NCKAP5: variants seen among roughly 807,000 people sequenced by gnomAD.
The protein encoded by NCKAP5 is nck-associated protein 5.
Under a neutral mutation model 167.0 loss-of-function variants are expected in NCKAP5, and 92 were observed. The ratio of observed to expected loss-of-function variants is 0.55; its 90% CI spans 0.47 to 0.66. The LOEUF (loss-of-function observed/expected upper bound fraction) is 0.66, where lower values mean the gene tolerates loss of function less well. Among genes scored for constraint, NCKAP5 ranks in the 30% least tolerant of loss-of-function variants. NCKAP5 has a pLI of 0.00. For synonymous variants in NCKAP5, 891 were observed against 877.4 expected, an observed-to-expected ratio of 1.02 and a Z score of -0.27; for missense variants, 2,378 against 2,315.0, an observed-to-expected ratio of 1.03 and a Z score of -0.56.
chr2:133,011,684 G>GT (rs2078165918), intron 6 of NCKAP5, among the ~76,000 whole-genome samples: 1 of 152,164 alleles, frequency 6.6e-6, no homozygotes, highest in African/African-American at 2.4e-5. Flanking sequence ...TAATAAGCAT[G>GT]GCTATTTGAA....
intron 6 of NCKAP5, among the ~76,000 whole-genome samples, chr2:133,095,272 G>C (rs549321891): frequency 1.3e-5 from 2 of 152,308 alleles, no homozygotes; most frequent in South Asian, 2.1e-4. Context: ...CCTTTGAACT[G>C]TTCCATAGTA....
At chr2:133,467,777 G>T (rs1692715035) in intron 3 of NCKAP5, among the ~76,000 whole-genome samples, 1 of 142,830 alleles carries the variant, frequency 7.0e-6, no homozygotes, top group Non-Finnish European at 1.5e-5. Context: ...ATTTCTTCTA[G>T]ATTTTCTAGT....
At chr2:133,403,892 T>TGC (rs1320002519) in intron 3 of NCKAP5, among the ~76,000 whole-genome samples, 1 of 143,952 alleles carries the variant, frequency 6.9e-6, no homozygotes, top group Non-Finnish European at 1.5e-5. Context: ...GGTGGATGTG[T>TGC]GTGTGTGTGT....
At chr2:133,072,510 G>T (rs975766018) in intron 6 of NCKAP5, among the ~76,000 whole-genome samples, 1 of 152,036 alleles carries the variant, frequency 6.6e-6, no homozygotes, top group Admixed American at 6.6e-5. Context: ...CCCACTCCCC[G>T]ATCGTCTATC....
At chr2:133,500,415 G>A (rs1490984974) in intron 3 of NCKAP5, among the ~76,000 whole-genome samples, 6 of 152,110 alleles carry the variant, frequency 3.9e-5, no homozygotes, top group South Asian at 2.1e-4. Flanking sequence ...CCAATAACAC[G>A]TGTCTTTCTG....
chr2:132,970,663 G>C (rs1364358904), intron 7 of NCKAP5, among the ~76,000 whole-genome samples: 1 of 152,162 alleles, frequency 6.6e-6, no homozygotes, highest in Non-Finnish European at 1.5e-5. Flanking sequence ...GCAATCCTTA[G>C]AGCTGTAAGT....
At chr2:133,331,387 G>A (rs1468349660) in intron 3 of NCKAP5, among the ~76,000 whole-genome samples, 1 of 152,168 alleles carries the variant, frequency 6.6e-6, no homozygotes, top group East Asian at 1.9e-4. Context: ...TAATAAATCT[G>A]TCAATTAGCA....
intron 11 of NCKAP5, among the ~76,000 whole-genome samples, chr2:132,827,885 C>T (rs6724053): frequency 6.6e-6 from 1 of 152,084 alleles, no homozygotes. Flanking sequence ...TTGGGTTTTT[C>T]AAAGCCCTTA....
intron 3 of NCKAP5, among the ~76,000 whole-genome samples, chr2:133,462,450 G>A (rs1046104649): frequency 6.6e-6 from 1 of 152,110 alleles, no homozygotes; most frequent in African/African-American, 2.4e-5. Context: ...GTGTATGTTT[G>A]TTTTATATTT....
intron 3 of NCKAP5, among the ~76,000 whole-genome samples, chr2:133,334,958 G>A (rs1683115030): frequency 6.6e-6 from 1 of 152,154 alleles, no homozygotes; most frequent in South Asian, 2.1e-4. Context: ...CCAAACTCAG[G>A]TCCATTTACT....
intron 19 of NCKAP5, among the ~76,000 whole-genome samples, chr2:132,712,868 G>T (rs879624145): frequency 6.6e-6 from 1 of 152,162 alleles, no homozygotes; most frequent in Middle Eastern, 3.2e-3. Context: ...TGGGATCACA[G>T]AGGAGGGGCA....
At chr2:133,311,654 C>A (rs1559373829) in intron 3 of NCKAP5, among the ~76,000 whole-genome samples, 1 of 152,134 alleles carries the variant, frequency 6.6e-6, no homozygotes, top group Non-Finnish European at 1.5e-5. Context: ...AAAAGATGAT[C>A]CTATCACCCA....
At chr2:133,617,374 C>T in the NCKAP5 span, among the ~76,000 whole-genome samples, 1 of 150,530 alleles carries the variant, frequency 6.6e-6, no homozygotes, top group African/African-American at 2.4e-5. Context: ...TCCCTGTTTG[C>T]AGACGACATG....
chr2:133,453,562 G>A lies in NCKAP5; in HGVS notation c.69+63896C>T, dbSNP rs549768479. Among the ~76,000 whole-genome samples, 6 of 152,018 alleles carry A rather than the reference G, an allele frequency of 3.9e-5. No homozygotes were observed. In the South Asian group the frequency reaches 1.0e-3, roughly 26 times the overall value. The stretch of plus-strand genomic sequence containing the variant: ...AAAGGAAAGAGAAAGAAACACAGTT[G>A]GAATTTGACAAAATAAGGGTTATTC... On this transcript the variant is annotated intron_variant, in intron 3 of 19. Coordinates refer to ENST00000409261, the MANE Select transcript of NCKAP5 (RefSeq NM_207363.3).
chr2:133,619,090 G>A, the NCKAP5 span, among the ~76,000 whole-genome samples: 2 of 132,998 alleles, frequency 1.5e-5, no homozygotes, highest in East Asian at 2.1e-4. Flanking sequence ...TCACTCATAG[G>A]TGGGAATTGA....
chr2:133,144,550 C>T (rs530422612), intron 5 of NCKAP5, among the ~76,000 whole-genome samples: 4 of 152,102 alleles, frequency 2.6e-5, no homozygotes, highest in South Asian at 2.1e-4. Flanking sequence ...ACCTCTTCCC[C>T]GAAACTTAAT....
intron 6 of NCKAP5, among the ~76,000 whole-genome samples, chr2:133,017,732 C>A (rs994770195): frequency 6.6e-6 from 1 of 151,664 alleles, no homozygotes; most frequent in South Asian, 2.1e-4. Context: ...CCCCGCCCCC[C>A]CACTGTTTCC....
the NCKAP5 span, among the ~76,000 whole-genome samples, chr2:133,638,868 A>C: frequency 2.6e-5 from 4 of 152,160 alleles, no homozygotes; most frequent in African/African-American, 9.6e-5. Flanking sequence ...AAAAAAAAAA[A>C]AAAAAGACTT....
intron 5 of NCKAP5, among the ~76,000 whole-genome samples, chr2:133,205,310 G>GATAGATAGATAGATAC (rs1001624776): frequency 6.6e-6 from 1 of 152,016 alleles, no homozygotes; most frequent in Non-Finnish European, 1.5e-5. Flanking sequence ...TAGATAGATA[G>GATAGATAGATAGATAC]ATAGATAGAC....
Sources: gnomAD v4.1 joint callset for allele counts (sites outside exome capture counted in the v4.1 genomes callset) on GRCh38, gnomAD v4.1.1 for gene constraint, MANE v1.5 for transcripts, NCBI Gene and HGNC (gene_info 2026-07-23, HGNC 2026-07-21) for gene names.